The following HCN4 variants were observed in gnomAD, a reference collection of about 807,000 sequenced individuals.
The protein encoded by HCN4 is hyperpolarization activated cyclic nucleotide gated potassium channel 4.
A neutral mutation model predicts 76.9 loss-of-function variants in HCN4; 29 were observed. The ratio of observed to expected loss-of-function variants is 0.38; its 90% CI spans 0.28 to 0.51. The LOEUF is 0.51. HCN4 is among the 20% of genes least tolerant of loss of function. The probability of loss-of-function intolerance (pLI) is 0.90; values close to 1 mark genes in which losing one functional copy is unlikely to be tolerated. For synonymous variants in HCN4, 772 were observed against 762.5 expected, an observed-to-expected ratio of 1.01 and a Z score of -0.21; for missense variants, 1,416 against 1,715.2, an observed-to-expected ratio of 0.83 and a Z score of 3.08.
At chr15:73,348,109 G>A (rs1362615424) in intron 1 of HCN4, among the ~76,000 whole-genome samples, 1 of 152,252 alleles carries the variant, frequency 6.6e-6, no homozygotes, top group Non-Finnish European at 1.5e-5. Flanking sequence ...GAAATTTCAT[G>A]TTTTGGTGTG....
chr15:73,325,251 C>CA lies in HCN4; in HGVS notation c.1737+46_1737+47insT, dbSNP rs2042891868. ...AGGAGGTGGTGAGGGGAGCTGGCTG[C>CA]CAGGAAGGCCTGGCTCCCCTCCACG... is the stretch of plus-strand genomic sequence containing the variant. On this transcript the variant is annotated intron_variant, in intron 5 of 7. Transcript: ENST00000261917. The surrounding 1 kb of genome is among the most constrained non-coding windows in gnomAD (Gnocchi z 7.4). 2 of 1,614,048 alleles carry CA rather than the reference C, an allele frequency of 1.2e-6. No individual in the cohort carries two copies. The highest frequency in any genetic ancestry group is 1.7e-6 in the Non-Finnish European group (2 of 1,179,966).
chr15:73,368,326 G>T lies in HCN4; in HGVS notation c.-56C>A. ...GGGGCAGGAGCGCGGCGCCGCGGAC[G>T]GGCTCCAGGTCCGCCCGCCGGTCAG... is the stretch of plus-strand genomic sequence containing the variant. On this transcript the variant is annotated 5_prime_UTR_variant, in exon 1 of 8. Coordinates refer to ENST00000261917, the MANE Select transcript of HCN4 (RefSeq NM_005477.3). This position sits in a 1 kb window ranked among gnomAD's most constrained non-coding sequence, Gnocchi z 6.9. 2 of 1,303,334 alleles carry T rather than the reference G, an allele frequency of 1.5e-6. No individual in the cohort carries two copies. Among genetic ancestry groups the T allele is most frequent in the Non-Finnish European group, 2.0e-6 (2 of 1,002,060 alleles). The allele number at this position is 1,303,334 out of a possible 1,614,324, so 80.7% of individuals were successfully genotyped here.
chr15:73,344,018 C>T (rs918667653), intron 1 of HCN4, among the ~76,000 whole-genome samples: 2 of 152,198 alleles, frequency 1.3e-5, no homozygotes, highest in African/African-American at 2.4e-5. Flanking sequence ...AGGATACCCT[C>T]CGTGCTGCCC....
At chr15:73,341,069 GGTGTGTGTGTGTGTGTGTGTGTGT>G (rs76504723) in intron 2 of HCN4, 1 of 145,864 alleles carries the variant, frequency 6.9e-6, no homozygotes, top group African/African-American at 2.6e-5. Context: ...GAGGGAGGTA[GGTGTGTGTGTGTGTGTGTGTGTGT>G]GTGTGTGTGT....
chr15:73,362,802 G>A (rs2043111135), intron 1 of HCN4, among the ~76,000 whole-genome samples: 1 of 152,250 alleles, frequency 6.6e-6, no homozygotes, highest in South Asian at 2.1e-4. Context: ...AAGCAGGGGA[G>A]AAGGTAACCC....
chr15:73,333,013 G>C (rs2042941574), intron 2 of HCN4, among the ~76,000 whole-genome samples: 1 of 152,232 alleles, frequency 6.6e-6, no homozygotes, highest in African/African-American at 2.4e-5. Context: ...TAATTGATAA[G>C]CTGTTATTAA....
intron 3 of HCN4, among the ~76,000 whole-genome samples, chr15:73,330,268 C>T (rs2042925254): frequency 6.6e-6 from 1 of 152,262 alleles, no homozygotes; most frequent in African/African-American, 2.4e-5. Context: ...AAACACTGTC[C>T]TCATTTTGGA....
chr15:73,324,362 C>T (rs2042886106), intron 6 of HCN4, 109 bp from the exon 7 acceptor site: 8 of 1,226,526 alleles, frequency 6.5e-6, no homozygotes, highest in African/African-American at 1.5e-5. Flanking sequence ...CCTTGGCAGG[C>T]TCACAAGGCC....
intron 1 of HCN4, among the ~76,000 whole-genome samples, chr15:73,351,762 A>G (rs2043055964): frequency 1.3e-5 from 2 of 152,080 alleles, no homozygotes; most frequent in Admixed American, 1.3e-4. Context: ...AGTGAAATCC[A>G]AATTCCTCAC....
rs1157269416 is a variant in HCN4 at position 73,355,338 on chromosome 15, G to A, written c.786-11530C>T. On this transcript the variant is annotated intron_variant, in intron 1 of 7. Transcript: ENST00000261917. ...CTCAGTTTCCCCATTGGCACAACACGAGGATGGAGCTAGACATCTCTAAAG... is the reference window on the plus strand; with the variant it reads ...CTCAGTTTCCCCATTGGCACAACACAAGGATGGAGCTAGACATCTCTAAAG... 2.6e-5 allele frequency among the ~76,000 whole-genome samples: 4 copies of A among 152,198 alleles called. 1 individual carries two copies. Among genetic ancestry groups the A allele is most frequent in the South Asian group, 2.1e-4 (1 of 4,828 alleles).
At chr15:73,356,063 G>A (rs1219138262) in intron 1 of HCN4, among the ~76,000 whole-genome samples, 1 of 152,196 alleles carries the variant, frequency 6.6e-6, no homozygotes, top group Admixed American at 6.5e-5. Flanking sequence ...ACACCCTCTG[G>A]GGAAATTAGG....
chr15:73,345,370 T>C (rs190261142), intron 1 of HCN4, among the ~76,000 whole-genome samples: 5 of 152,222 alleles, frequency 3.3e-5, no homozygotes, highest in Admixed American at 3.3e-4. Flanking sequence ...GACAGGGCCT[T>C]ATGGGGGATA....
Position 73,367,603 on chromosome 15 carries a change from T to C in HCN4, c.668A>G (p.Gln223Arg). The change falls in exon 1 of 8, where the codon CAA (glutamine) becomes CGA (arginine). Residue 223 changes from glutamine to arginine, a missense_variant. Around this residue, in one of 6 missense-constraint regions of HCN4, gnomAD observed 355 missense variants for 347.8 expected, o/e 1.02. Coordinates refer to ENST00000261917, the MANE Select transcript of HCN4 (RefSeq NM_005477.3). This position sits in a 1 kb window ranked among gnomAD's most constrained non-coding sequence, Gnocchi z 7.5. ...FMQRQFGAML[Q>R]PGVNKFSLRM... ...TAGGGAGAATTTGTTGACCCCGGGTTGGAGCATGGCCCCGAACTGGCGCTG... is the reference window on the plus strand; with the variant it reads ...TAGGGAGAATTTGTTGACCCCGGGTCGGAGCATGGCCCCGAACTGGCGCTG... 6 of 1,613,608 alleles carry C rather than the reference T, an allele frequency of 3.7e-6. No homozygotes were observed. Among genetic ancestry groups the C allele is most frequent in the Non-Finnish European group, 5.1e-6 (6 of 1,180,012 alleles).
intron 2 of HCN4, among the ~76,000 whole-genome samples, chr15:73,336,137 C>T (rs894954617): frequency 1.3e-5 from 2 of 152,132 alleles, no homozygotes; most frequent in African/African-American, 4.8e-5. Context: ...TCTGAGCACC[C>T]CCAGCCCAGA....
rs911132337 is a variant in HCN4, at chr15:73,340,326, G to A, written c.1209+3059C>T. ...CTGGAGGAGTAAGGTCAGCCCCTGG[G>A]AGGCTGAGGCCTGGAGACACGAATG... On this transcript the variant is annotated intron_variant, in intron 2 of 7. Transcript: ENST00000261917. 3.9e-5 allele frequency among the ~76,000 whole-genome samples: 6 copies of A among 152,324 alleles called. No individual in the cohort carries two copies. In the East Asian group the frequency reaches 1.2e-3, roughly 29 times the overall value.
intron 2 of HCN4, among the ~76,000 whole-genome samples, chr15:73,340,039 C>T (rs1016457914): frequency 2.6e-5 from 4 of 152,180 alleles, no homozygotes; most frequent in East Asian, 3.9e-4. Flanking sequence ...TGGGGCGGCA[C>T]GTCTAGTTCA....
intron 1 of HCN4, among the ~76,000 whole-genome samples, chr15:73,361,001 G>A (rs1274863865): frequency 6.6e-6 from 1 of 152,196 alleles, no homozygotes; most frequent in Non-Finnish European, 1.5e-5. Context: ...CTGTGGAGTG[G>A]GAATGTGGGG....
At chr15:73,346,319 C>A (rs1433162772) in intron 1 of HCN4, among the ~76,000 whole-genome samples, 2 of 152,174 alleles carry the variant, frequency 1.3e-5, no homozygotes, top group African/African-American at 4.8e-5. Context: ...ATGAGGATAA[C>A]CACAGTACCT....
chr15:73,325,314 C>T lies in HCN4; in HGVS notation c.1721G>A (p.Ser574Asn). Residue 574 changes from serine (S) to asparagine (N), a missense_variant, in exon 5 of 8, where the codon AGC becomes AAC. Physicochemically the swap from Ser to Asn is conservative, Grantham distance 46 (BLOSUM62 1). Around this residue, in one of 6 missense-constraint regions of HCN4, gnomAD observed 241 missense variants for 379.4 expected, o/e 0.64. Transcript: ENST00000261917. The surrounding 1 kb of genome is among the most constrained non-coding windows in gnomAD (Gnocchi z 7.4). ...ACAGCTCACCTCCCGCAGGGGCTCG[C>T]TTAGCTCGCCCAGGATGCTCTCCTC... ...FDEESILGEL[S>N]EPLREEIINF... 6.2e-7 allele frequency: 1 copy of T among 1,613,988 alleles called. No individual in the cohort carries two copies. The highest frequency in any genetic ancestry group is 8.5e-7 in the Non-Finnish European group (1 of 1,179,950).
Sources: allele counts gnomAD v4.1 joint callset (sites outside exome capture counted in the v4.1 genomes callset), GRCh38; gene constraint gnomAD v4.1.1; regional missense constraint gnomAD v4.1.1; non-coding constraint Gnocchi (gnomAD v3.1); transcripts MANE v1.5; gene names NCBI Gene and HGNC (gene_info 2026-07-23, HGNC 2026-07-21).